The following NRXN1 variants were observed in gnomAD, a reference collection of about 807,000 sequenced individuals.
NRXN1 encodes neurexin-1.
NRXN1 carries 39 observed loss-of-function variants against 150.9 expected under a neutral mutation model. The observed-to-expected ratio is 0.26, with a 90% confidence interval of 0.20 to 0.34. The LOEUF (loss-of-function observed/expected upper bound fraction) is 0.34. Ranked by LOEUF, NRXN1 falls within the 10% of genes least tolerant of loss-of-function variation. The probability of loss-of-function intolerance (pLI) is 1.00; values close to 1 mark genes in which losing one functional copy is unlikely to be tolerated. For synonymous variants in NRXN1, 924 were observed against 757.0 expected (o/e 1.22, Z -3.62); for missense variants, 1,815 against 1,949.9 (o/e 0.93, Z 1.30).
chr2:50,172,389 T>G (rs1045436858), intron 18 of NRXN1, among the ~76,000 whole-genome samples: 11 of 152,134 alleles, frequency 7.2e-5, no homozygotes, highest in Non-Finnish European at 1.6e-4. Context: ...TGAAGGACTC[T>G]CTAGCTTGAT....
At chr2:50,115,217 G>GTATA (rs35673922) in intron 18 of NRXN1, among the ~76,000 whole-genome samples, 15,263 of 134,736 alleles carry the variant, frequency 0.11, 1,212 homozygotes, top group East Asian at 0.33. Context: ...TATGTTATGT[G>GTATA]TATATATATA....
chr2:49,986,142 A>G (rs1280492463), intron 21 of NRXN1, among the ~76,000 whole-genome samples: 1 of 152,218 alleles, frequency 6.6e-6, no homozygotes, highest in African/African-American at 2.4e-5. Flanking sequence ...CCAGAAACTC[A>G]GATGCCACAG....
intron 8 of NRXN1, among the ~76,000 whole-genome samples, chr2:50,565,180 A>C (rs1341600268): frequency 6.6e-6 from 1 of 152,188 alleles, no homozygotes; most frequent in Non-Finnish European, 1.5e-5. Flanking sequence ...AAAATGCGTC[A>C]TAACTTTAGG....
chr2:51,016,653 G>C (rs2105240183), intron 2 of NRXN1, among the ~76,000 whole-genome samples: 1 of 152,240 alleles, frequency 6.6e-6, no homozygotes, highest in South Asian at 2.1e-4. Context: ...TACACCTTTG[G>C]TGGGAGTTTA....
chr2:50,809,935 T>A (rs1251795580), intron 5 of NRXN1, among the ~76,000 whole-genome samples: 1 of 152,196 alleles, frequency 6.6e-6, no homozygotes, highest in Non-Finnish European at 1.5e-5. Context: ...AATACCATTG[T>A]GTTTATTCAC....
intron 20 of NRXN1, 45 bp from the exon 21 acceptor site, chr2:50,053,635 C>T: frequency 6.4e-7 from 1 of 1,573,796 alleles, no homozygotes; most frequent in South Asian, 1.1e-5. Flanking sequence ...TGATTGTGAA[C>T]TCTATATCTA....
chr2:50,019,947 CAAA>C (rs1161865745), intron 21 of NRXN1, among the ~76,000 whole-genome samples: 9 of 43,356 alleles, frequency 2.1e-4, no homozygotes, highest in African/African-American at 6.7e-4. Context: ...GACTCCGTCT[CAAA>C]AAAAAAAAAA....
intron 17 of NRXN1, among the ~76,000 whole-genome samples, chr2:50,271,574 C>T (rs1270415263): frequency 6.6e-6 from 1 of 152,042 alleles, no homozygotes; most frequent in Non-Finnish European, 1.5e-5. Context: ...GGTTGAAACC[C>T]AATGAGAGCA....
intron 2 of NRXN1, among the ~76,000 whole-genome samples, chr2:50,939,731 A>G (rs1042828023): frequency 6.6e-6 from 1 of 152,222 alleles, no homozygotes; most frequent in African/African-American, 2.4e-5. Flanking sequence ...AATTAAAACA[A>G]TTCAAAATAA....
chr2:50,272,818 T>C (rs78727125), intron 17 of NRXN1, among the ~76,000 whole-genome samples: 11,011 of 151,974 alleles, frequency 0.072, 546 homozygotes, highest in Middle Eastern at 0.15. Flanking sequence ...AACACACAGA[T>C]TGCCACATAA....
chr2:50,019,641 C>CAAAAAAAAAAAAAAAA (rs764073226), intron 21 of NRXN1, among the ~76,000 whole-genome samples: 4 of 25,554 alleles, frequency 1.6e-4, no homozygotes, highest in Non-Finnish European at 2.5e-4. Context: ...GATTCCGTCT[C>CAAAAAAAAAAAAAAAA]AAAAAAAAAA....
intron 18 of NRXN1, among the ~76,000 whole-genome samples, chr2:50,205,323 T>C (rs1022480435): frequency 6.6e-6 from 1 of 152,110 alleles, no homozygotes; most frequent in Non-Finnish European, 1.5e-5. Flanking sequence ...ACTGATGGAA[T>C]GTGTAAAGTG....
At chr2:50,102,218 CA>C (rs2152711771) in intron 18 of NRXN1, among the ~76,000 whole-genome samples, 1 of 151,984 alleles carries the variant, frequency 6.6e-6, no homozygotes, top group African/African-American at 2.4e-5. Context: ...TTCATCTTCA[CA>C]AAACAGTAAT....
intron 17 of NRXN1, among the ~76,000 whole-genome samples, chr2:50,292,955 T>C (rs1374509551): frequency 6.6e-6 from 1 of 152,162 alleles, no homozygotes; most frequent in African/African-American, 2.4e-5. Flanking sequence ...TAAATATTAG[T>C]GAAACGAATT....
chr2:50,069,555 T>A (rs1695889707), intron 19 of NRXN1, among the ~76,000 whole-genome samples: 1 of 152,248 alleles, frequency 6.6e-6, no homozygotes, highest in African/African-American at 2.4e-5. Context: ...CATGTTCTTT[T>A]CTTCATCTCT....
At chr2:51,018,001 T>C (rs1481241767) in intron 2 of NRXN1, among the ~76,000 whole-genome samples, 1 of 152,046 alleles carries the variant, frequency 6.6e-6, no homozygotes, top group African/African-American at 2.4e-5. Context: ...GTCTTTAATT[T>C]CCTTGTCTCC....
intron 8 of NRXN1, among the ~76,000 whole-genome samples, chr2:50,591,375 A>G (rs560824424): frequency 7.0e-6 from 1 of 143,664 alleles, no homozygotes; most frequent in East Asian, 2.1e-4. Flanking sequence ...ACCATACACT[A>G]TATATCAGAT....
intron 18 of NRXN1, among the ~76,000 whole-genome samples, chr2:50,173,014 G>A (rs980684554): frequency 3.3e-5 from 5 of 152,094 alleles, no homozygotes; most frequent in African/African-American, 1.2e-4. Context: ...CCTCCTTCCA[G>A]GCTTGCTATA....
intron 17 of NRXN1, among the ~76,000 whole-genome samples, chr2:50,325,712 C>G (rs553459647): frequency 9.2e-5 from 14 of 152,272 alleles, no homozygotes; most frequent in South Asian, 4.1e-4. Flanking sequence ...ACAGAATAGC[C>G]TTGTCTAATT....
Sources: gnomAD v4.1 joint callset for allele counts (sites outside exome capture counted in the v4.1 genomes callset) on GRCh38, gnomAD v4.1.1 for gene constraint, MANE v1.5 for transcripts, NCBI Gene and HGNC (gene_info 2026-07-23, HGNC 2026-07-21) for gene names.